The following ZNF416 variants were observed in gnomAD, a reference collection of about 807,000 sequenced individuals.
ZNF416 encodes zinc finger protein 416.
ZNF416 carries 5 observed loss-of-function variants against 10.9 expected under a neutral mutation model. The observed-to-expected ratio is 0.46, with a 90% confidence interval of 0.24 to 0.97. The LOEUF (loss-of-function observed/expected upper bound fraction) is 0.97. Among genes scored for constraint, ZNF416 ranks in the 50% least tolerant of loss-of-function variants. The pLI, the probability that ZNF416 is intolerant of heterozygous loss-of-function variation, is 0.19. For synonymous variants in ZNF416, 267 were observed against 251.8 expected, an observed-to-expected ratio of 1.06 and a Z score of -0.57; for missense variants, 675 against 715.0, an observed-to-expected ratio of 0.94 and a Z score of 0.64.
Position 57,572,796 on chromosome 19 carries a change from CAA to C in ZNF416, c.1106_1107del (p.Leu369ArgfsTer14). 1 of 1,614,098 alleles carries C rather than the reference CAA, an allele frequency of 6.2e-7. No homozygotes were observed. The highest frequency in any genetic ancestry group is 8.5e-7 in the Non-Finnish European group (1 of 1,180,006). On this transcript the variant is annotated frameshift_variant, in exon 4 of 4. Coordinates refer to ENST00000196489, the MANE Select transcript of ZNF416 (RefSeq NM_017879.3). LOFTEE classifies it low-confidence loss of function (END_TRUNC). This position sits in a 1 kb window ranked among gnomAD's most constrained non-coding sequence, Gnocchi z 4.5. Reference sequence around the variant, plus strand: ...CCTGTGTGAGTTCTCTGGTGTCGAACAAGAGTGGATTTGGACCCAAAGGCTTT... The same window carrying C: ...CCTGTGTGAGTTCTCTGGTGTCGAACGAGTGGATTTGGACCCAAAGGCTTT... Reference protein sequence around the residue: ...CGKAFGSKSTLVRHQRTHTGE... With the variant: ...CGKAFGSKSTXVRHQRTHTGE...
At position 57,578,745 on chromosome 19, in the gene ZNF416, C is replaced by CG; in HGVS notation, c.-42dup. 3 of 1,438,784 alleles carry CG rather than the reference C, an allele frequency of 2.1e-6. No individual in the cohort carries two copies. Among genetic ancestry groups the CG allele is most frequent in the Non-Finnish European group, 2.8e-6 (3 of 1,090,372 alleles). The allele number at this position is 1,438,784 out of a possible 1,614,324, so 89.1% of individuals were successfully genotyped here. On this transcript the variant is annotated 5_prime_UTR_variant, in exon 1 of 4. Transcript: ENST00000196489. ...GCGGGGCCGGGAGCGGCGGGCGACC[C>CG]GGGGCGGGAACCCAGGCACGGCTGC...
chr19:57,571,868 G>T lies in ZNF416; in HGVS notation c.*251C>A. The T allele has an allele frequency of 2.2e-6, 1 of 463,730 alleles. No homozygotes were observed. Among genetic ancestry groups the T allele is most frequent in the East Asian group, 3.4e-5 (1 of 29,576 alleles). 28.7% of individuals were successfully genotyped at this position (463,730 alleles called of 1,614,324 possible). ...ACACAGGTGTATCTGCCTCGCCTTA[G>T]TATGCAAGGGTGACTAATGATTTAA... On this transcript the variant is annotated 3_prime_UTR_variant, in exon 4 of 4. Transcript: ENST00000196489.
chr19:57,572,205 G>C lies in ZNF416; in HGVS notation c.1699C>G (p.Leu567Val). The change falls in exon 4 of 4, where the codon CTC becomes GTC. Residue 567 changes from leucine to valine, a missense_variant. Physicochemically the swap from Leu to Val is conservative, Grantham distance 32. Coordinates refer to ENST00000196489, the MANE Select transcript of ZNF416 (RefSeq NM_017879.3). This position sits in a 1 kb window ranked among gnomAD's most constrained non-coding sequence, Gnocchi z 4.5. ...TCCACAGTGTGAGATTTTCGGTGGA[G>C]AATGAGGCCAGAGTGTTGTGTAAAG... ...KSFTQHSGLILHRKSHTVERP... is the reference protein window; with the variant it reads ...KSFTQHSGLIVHRKSHTVERP... The C allele has an allele frequency of 2.5e-6, 4 of 1,614,252 alleles. No homozygotes were observed. Among genetic ancestry groups the C allele is most frequent in the Middle Eastern group, 1.6e-4 (1 of 6,062 alleles).
At position 57,575,946 on chromosome 19, in the gene ZNF416, T is replaced by C. The variant is rs750386660; in HGVS notation, c.76-16A>G. The C allele has an allele frequency of 4.3e-6, 7 of 1,612,030 alleles. 1 individual carries two copies. In the South Asian group the frequency reaches 4.4e-5, roughly 10 times the overall value. On this transcript the variant is annotated splice_polypyrimidine_tract_variant and intron_variant, in intron 2 of 3. Coordinates refer to ENST00000196489, the MANE Select transcript of ZNF416 (RefSeq NM_017879.3). This position sits in a 1 kb window ranked among gnomAD's most constrained non-coding sequence, Gnocchi z 4.4. ...TCACACAGCCCTGCCATGATGGGGA[T>C]AGATCTTTCCATGATCAGATTCTCT...
intron 3 of ZNF416, 42 bp from the exon 4 acceptor site, chr19:57,573,743 A>C: frequency 6.3e-7 from 1 of 1,578,524 alleles, no homozygotes; most frequent in Non-Finnish European, 8.6e-7. Flanking sequence ...GTTGACTATG[A>C]TGGGAGTGTA....
chr19:57,573,330 T>C lies in ZNF416; in HGVS notation c.574A>G (p.Ile192Val), dbSNP rs374142221. The C allele has an allele frequency of 2.0e-5, 32 of 1,614,128 alleles. No homozygotes were observed. Among genetic ancestry groups the C allele is most frequent in the African/African-American group, 1.2e-4 (9 of 74,940 alleles). The change falls in exon 4 of 4, where the codon ATT becomes GTT. Residue 192 changes from isoleucine to valine, a missense_variant. Transcript: ENST00000196489. Reference protein sequence around the residue: ...APLGILQPQAIANYEKPNKIS... With the variant: ...APLGILQPQAVANYEKPNKIS... ...TTGTTTGGCTTCTCATAGTTAGCAA[T>C]AGCTTGCGGCTGAAGAATGCCCAAT...
rs542822556 is a variant in ZNF416 at position 57,571,914 on chromosome 19, A to G, written c.*205T>C. 8 of 591,674 alleles carry G rather than the reference A, an allele frequency of 1.4e-5. No homozygotes were observed. The East Asian group carries it at 2.2e-4, about 16-fold the overall frequency. The allele number at this position is 591,674 out of a possible 1,614,324, so 36.7% of individuals were successfully genotyped here. A position where few individuals can be genotyped will look rare whatever the true frequency, so the allele number is the denominator to read the frequency against. ...TTTAACTCTGGCAAAGGCCTCCAGCAGTTTAGAACATGCAAAGGAGCTCCT... is the reference window on the plus strand; with the variant it reads ...TTTAACTCTGGCAAAGGCCTCCAGCGGTTTAGAACATGCAAAGGAGCTCCT... On this transcript the variant is annotated 3_prime_UTR_variant, in exon 4 of 4. Coordinates refer to ENST00000196489, the MANE Select transcript of ZNF416 (RefSeq NM_017879.3).
In ZNF416 at chr19:57,578,130, T is replaced by C. The variant is rs534998314; in HGVS notation, c.34-32A>G. Reference sequence around the variant, plus strand: ...GAAGAGGAAGGCTATGAGAGGCAGGTAACTATGGTGGAAGCTCCATGGGCT... The same window carrying C: ...GAAGAGGAAGGCTATGAGAGGCAGGCAACTATGGTGGAAGCTCCATGGGCT... On this transcript the variant is annotated intron_variant, in intron 1 of 3. Transcript: ENST00000196489. The C allele has an allele frequency of 4.3e-6, 7 of 1,613,588 alleles. No homozygotes were observed. The South Asian group carries it at 7.7e-5, about 18-fold the overall frequency.
rs1978652378 is a variant in ZNF416, at chr19:57,578,794, C to T, written c.-90G>A. 2 of 1,297,622 alleles carry T rather than the reference C, an allele frequency of 1.5e-6. No individual in the cohort carries two copies. Among genetic ancestry groups the T allele is most frequent in the East Asian group, 6.1e-5 (2 of 32,572 alleles). The allele number at this position is 1,297,622 out of a possible 1,614,324, so 80.4% of individuals were successfully genotyped here. ...GCCACCAGCGCCAGCGACCCACCGG[C>T]TGATGCGCAGCGGGGCGACCCCCGC... is the stretch of plus-strand genomic sequence containing the variant. On this transcript the variant is annotated 5_prime_UTR_variant, in exon 1 of 4. Coordinates refer to ENST00000196489, the MANE Select transcript of ZNF416 (RefSeq NM_017879.3).
intron 3 of ZNF416, among the ~76,000 whole-genome samples, chr19:57,574,096 A>G (rs1978436255): frequency 6.6e-6 from 1 of 152,146 alleles, no homozygotes; most frequent in South Asian, 2.1e-4. Flanking sequence ...GAGTGAGCCA[A>G]CTCTTAAAGA....
At chr19:57,574,850 A>T (rs561869907) in intron 3 of ZNF416, among the ~76,000 whole-genome samples, 2 of 152,292 alleles carry the variant, frequency 1.3e-5, no homozygotes, top group South Asian at 2.1e-4. Flanking sequence ...ATGCAATTGG[A>T]AGTGAGTGGG....
chr19:57,577,680 T>C (rs1204973433), intron 2 of ZNF416, among the ~76,000 whole-genome samples: 1 of 152,186 alleles, frequency 6.6e-6, no homozygotes, highest in Non-Finnish European at 1.5e-5. Flanking sequence ...AAACTGTCAT[T>C]GCTCATCACA....
In ZNF416 at chr19:57,575,839, A is replaced by G; in HGVS notation, c.167T>C (p.Val56Ala). ...TATAAGTGCAAAGTTCTCCAGCATC[A>G]CATCGCGGTACAGGAGCCTCTGAGC... ...DEAQRLLYRD[V>A]MLENFALITA... is the part of the protein sequence containing the mutation. Residue 56 changes from valine (V) to alanine (A), a missense_variant, in exon 3 of 4, where the codon GTG becomes GCG. Transcript: ENST00000196489. This position sits in a 1 kb window ranked among gnomAD's most constrained non-coding sequence, Gnocchi z 4.4. The G allele has an allele frequency of 6.2e-7, 1 of 1,614,096 alleles. No individual in the cohort carries two copies.
Position 57,573,284 on chromosome 19 carries a change from G to A in ZNF416, c.620C>T (p.Ala207Val), listed in dbSNP as rs1568606892. 2 of 1,614,216 alleles carry A rather than the reference G, an allele frequency of 1.2e-6. No homozygotes were observed. Among genetic ancestry groups the A allele is most frequent in the South Asian group, 1.1e-5 (1 of 91,084 alleles). ...GTAATGACTTATTCCAACATGAAAG[G>A]CCTCCTCACATTTGCTGATTTTGTT... ...KPNKISKCEE[A>V]FHVGISHYKW... The change falls in exon 4 of 4, where the codon GCC becomes GTC. Residue 207 changes from alanine (A) to valine (V), a missense_variant. Coordinates refer to ENST00000196489, the MANE Select transcript of ZNF416 (RefSeq NM_017879.3).
chr19:57,577,557 C>G (rs1978588534), intron 2 of ZNF416, among the ~76,000 whole-genome samples: 1 of 152,172 alleles, frequency 6.6e-6, no homozygotes, highest in Admixed American at 6.5e-5. Context: ...ACTGCAGCAG[C>G]CTTCTTCACT....
rs776150847 is a variant in ZNF416, at chr19:57,572,210, A to T, written c.1694T>A (p.Leu565His). 6.2e-7 allele frequency: 1 copy of T among 1,614,204 alleles called. No homozygotes were observed. The highest frequency in any genetic ancestry group is 1.1e-5 in the South Asian group (1 of 91,088). Residue 565 changes from leucine to histidine, a missense_variant, in exon 4 of 4, where the codon CTC becomes CAC. By Grantham distance (99) the Leu-to-His change is moderately conservative. Coordinates refer to ENST00000196489, the MANE Select transcript of ZNF416 (RefSeq NM_017879.3). This position sits in a 1 kb window ranked among gnomAD's most constrained non-coding sequence, Gnocchi z 4.5. ...CGKSFTQHSGLILHRKSHTVE... is the reference protein window; with the variant it reads ...CGKSFTQHSGHILHRKSHTVE... ...AGTGTGAGATTTTCGGTGGAGAATG[A>T]GGCCAGAGTGTTGTGTAAAGGACTT... is the stretch of plus-strand genomic sequence containing the variant.
intron 1 of ZNF416, 142 bp downstream of exon 1, chr19:57,578,530 G>A: frequency 1.1e-6 from 1 of 944,628 alleles, no homozygotes. Flanking sequence ...CACCAGGCTT[G>A]TAAATGGGAG....
At position 57,573,635 on chromosome 19, in the gene ZNF416, T is replaced by C; in HGVS notation, c.269A>G (p.Gln90Arg). The change falls in exon 4 of 4, where the codon CAG (glutamine) becomes CGG (arginine). Residue 90 changes from glutamine to arginine, a missense_variant. Physicochemically the swap from Gln to Arg is conservative, Grantham distance 43. Coordinates refer to ENST00000196489, the MANE Select transcript of ZNF416 (RefSeq NM_017879.3). ...TGGACTGGCCTCTGGAGTCCTGACC[T>C]GAGGTACTCCTTCTACAGAAACACT... ...EQSVSVEGVP[Q>R]VRTPEASPST... 5.0e-6 allele frequency: 8 copies of C among 1,614,218 alleles called. No homozygotes were observed. The South Asian group carries it at 7.7e-5, about 16-fold the overall frequency.
intron 3 of ZNF416, among the ~76,000 whole-genome samples, 157 bp from the exon 4 acceptor site, chr19:57,573,858 A>G (rs190065889): frequency 2.0e-5 from 3 of 152,264 alleles, no homozygotes; most frequent in Admixed American, 2.0e-4. Flanking sequence ...CAATATGGTG[A>G]AACCCTGGCT....
Sources: gnomAD v4.1 joint callset for allele counts (sites outside exome capture counted in the v4.1 genomes callset) on GRCh38, gnomAD v4.1.1 for gene constraint, Gnocchi (gnomAD v3.1) non-coding constraint, MANE v1.5 for transcripts, NCBI Gene and HGNC (gene_info 2026-07-23, HGNC 2026-07-21) for gene names.